The following RABEPK variants were observed in gnomAD, a reference collection of about 807,000 sequenced individuals.
The protein encoded by RABEPK is Rab9 effector protein with kelch motifs.
RABEPK carries 27 observed loss-of-function variants against 34.1 expected under a neutral mutation model. That is an observed-to-expected ratio of 0.79 (90% CI 0.58 to 1.09). RABEPK has a LOEUF of 1.09. RABEPK is among the 50% of genes least tolerant of loss of function. The probability of loss-of-function intolerance (pLI) is 0.00; values close to 1 mark genes in which losing one functional copy is unlikely to be tolerated. For synonymous variants in RABEPK, 172 were observed against 169.2 expected (o/e 1.02, Z -0.13); for missense variants, 449 against 462.6 (o/e 0.97, Z 0.27).
chr9:125,204,320 G>A (rs1466097181), intron 2 of RABEPK, among the ~76,000 whole-genome samples: 2 of 151,946 alleles, frequency 1.3e-5, no homozygotes, highest in African/African-American at 4.8e-5. Flanking sequence ...AATAGCTCAT[G>A]CCTATAATCC....
At chr9:125,231,657 C>G (rs1024588480) in intron 6 of RABEPK, among the ~76,000 whole-genome samples, 43 of 151,882 alleles carry the variant, frequency 2.8e-4, no homozygotes, top group African/African-American at 1.0e-3. Context: ...AAAAAATTAG[C>G]CAGACCCGGT....
intron 3 of RABEPK, among the ~76,000 whole-genome samples, chr9:125,211,357 C>T (rs1470038479): frequency 6.6e-6 from 1 of 151,776 alleles, no homozygotes; most frequent in African/African-American, 2.4e-5. Flanking sequence ...ACCATGTTGG[C>T]CAGGAGGGTC....
Position 125,200,699 on chromosome 9 carries a change from G to C in RABEPK, c.-214G>C. ...GGCCCAAGCCGGGTGCAAAGAACGG[G>C]GAAGGGCCTTCCCTGGCTCCGTCCC... On this transcript the variant is annotated 5_prime_UTR_variant, in exon 1 of 8. Coordinates refer to ENST00000373538, the MANE Select transcript of RABEPK (RefSeq NM_005833.4). 2.1e-6 allele frequency: 1 copy of C among 471,236 alleles called. No homozygotes were observed. Among genetic ancestry groups the C allele is most frequent in the South Asian group, 1.5e-5 (1 of 64,576 alleles). 29.2% of individuals were successfully genotyped at this position (471,236 alleles called of 1,614,324 possible).
chr9:125,213,245 C>G (rs1830699011), intron 3 of RABEPK, 125 bp from the exon 4 acceptor site: 4 of 977,620 alleles, frequency 4.1e-6, no homozygotes, highest in Non-Finnish European at 6.1e-6. Context: ...TGACAACATG[C>G]CCTTTAAGTG....
chr9:125,232,245 CAG>C (rs61328963), intron 6 of RABEPK, among the ~76,000 whole-genome samples: 5 of 149,786 alleles, frequency 3.3e-5, no homozygotes, highest in Admixed American at 1.3e-4. Flanking sequence ...CACACACACA[CAG>C]AGACAGAGAG....
intron 5 of RABEPK, among the ~76,000 whole-genome samples, chr9:125,223,758 A>G (rs1564191997): frequency 6.6e-6 from 1 of 151,546 alleles, no homozygotes; most frequent in African/African-American, 2.4e-5. Flanking sequence ...TGCTATAAGG[A>G]ACATATTTAT....
chr9:125,225,387 CA>C (rs35781703), intron 5 of RABEPK, among the ~76,000 whole-genome samples: 112,934 of 145,602 alleles, frequency 0.78, 44,084 homozygotes, highest in African/African-American at 0.91. Context: ...AACTCCATCT[CA>C]AAAAAAAAAA....
intron 1 of RABEPK, 89 bp from the exon 2 acceptor site, chr9:125,202,919 A>C (rs1017153290): frequency 1.1e-6 from 1 of 949,016 alleles, no homozygotes; most frequent in Non-Finnish European, 1.7e-6. Flanking sequence ...AAATTAGTAC[A>C]TTCAACAGGA....
intron 5 of RABEPK, among the ~76,000 whole-genome samples, chr9:125,227,295 G>A (rs1420513747): frequency 6.6e-6 from 1 of 152,186 alleles, no homozygotes; most frequent in Non-Finnish European, 1.5e-5. Flanking sequence ...TTAGTTTGAA[G>A]CTAAAGAGGA....
At chr9:125,227,763 C>T in intron 5 of RABEPK, 147 bp from the exon 6 acceptor site, 2 of 537,514 alleles carry the variant, frequency 3.7e-6, no homozygotes, top group Non-Finnish European at 5.9e-6. Flanking sequence ...CCTGGATTGG[C>T]TGGGGGAGTT....
chr9:125,233,076 CAA>C (rs760554134), intron 7 of RABEPK, among the ~76,000 whole-genome samples: 12 of 64,770 alleles, frequency 1.9e-4, no homozygotes, highest in Non-Finnish European at 2.8e-4. Context: ...GACTCTGTCT[CAA>C]AAAAAAAAAA....
At chr9:125,214,656 C>T (rs1225820774) in intron 4 of RABEPK, among the ~76,000 whole-genome samples, 8 of 151,858 alleles carry the variant, frequency 5.3e-5, no homozygotes, top group Admixed American at 5.3e-4. Context: ...TGTCTTTTTG[C>T]CTTTTGTTTG....
At chr9:125,221,704 C>G (rs1216583199) in intron 5 of RABEPK, 1 of 145,788 alleles carries the variant, frequency 6.9e-6, no homozygotes, top group African/African-American at 2.5e-5. Context: ...GAGATGGAGT[C>G]TCGCTCTGTT....
At chr9:125,203,201 ACTGT>A (rs971217232) in intron 2 of RABEPK, 135 bp downstream of exon 2, 2 of 681,330 alleles carry the variant, frequency 2.9e-6, no homozygotes, top group East Asian at 2.9e-5. Flanking sequence ...TTAGACTCAA[ACTGT>A]CTGAGAAAGT....
chr9:125,213,354 G>A lies in RABEPK; in HGVS notation c.212-16G>A, dbSNP rs764092937. 6.2e-7 allele frequency: 1 copy of A among 1,607,962 alleles called. No homozygotes were observed. Among genetic ancestry groups the A allele is most frequent in the Admixed American group, 1.7e-5 (1 of 58,248 alleles). ...TTGGCAGCCCCAATCTAGGAACTGG[G>A]TGAAATGTTTTCCAGGAAAACACCA... On this transcript the variant is annotated splice_polypyrimidine_tract_variant and intron_variant, in intron 3 of 7. Coordinates refer to ENST00000373538, the MANE Select transcript of RABEPK (RefSeq NM_005833.4).
intron 6 of RABEPK, among the ~76,000 whole-genome samples, chr9:125,231,040 C>A (rs1404816412): frequency 6.6e-6 from 1 of 151,970 alleles, no homozygotes; most frequent in African/African-American, 2.4e-5. Flanking sequence ...CAGTGGCTCA[C>A]CCCTGTAATC....
At chr9:125,223,412 C>T (rs913899184) in intron 5 of RABEPK, among the ~76,000 whole-genome samples, 2 of 151,986 alleles carry the variant, frequency 1.3e-5, no homozygotes, top group Admixed American at 6.6e-5. Context: ...GCTAAGATCA[C>T]GCCACTGCAC....
intron 5 of RABEPK, among the ~76,000 whole-genome samples, chr9:125,223,466 AT>A (rs1416196172): frequency 6.6e-6 from 1 of 152,128 alleles, no homozygotes; most frequent in Non-Finnish European, 1.5e-5. Context: ...AAAAAAATAA[AT>A]AAATTTTTTA....
intron 4 of RABEPK, among the ~76,000 whole-genome samples, chr9:125,218,767 C>G (rs921132009): frequency 2.0e-5 from 3 of 152,126 alleles, no homozygotes; most frequent in African/African-American, 7.2e-5. Context: ...TTCTGTAACC[C>G]AGGCTGGAGT....
Sources: gnomAD v4.1 joint callset for allele counts (sites outside exome capture counted in the v4.1 genomes callset) on GRCh38, gnomAD v4.1.1 for gene constraint, MANE v1.5 for transcripts, NCBI Gene and HGNC (gene_info 2026-07-23, HGNC 2026-07-21) for gene names.